SNTG2: variants seen among roughly 807,000 people sequenced by gnomAD.
SNTG2 encodes the protein syntrophin gamma 2, also known as gamma-2-syntrophin.
Under a neutral mutation model 70.9 loss-of-function variants are expected in SNTG2, and 74 were observed. The ratio of observed to expected loss-of-function variants is 1.04; its 90% CI spans 0.86 to 1.27. The LOEUF (loss-of-function observed/expected upper bound fraction) is 1.27, where lower values mean the gene tolerates loss of function less well. Among genes scored for constraint, SNTG2 ranks in the 50% most tolerant of loss-of-function variants. SNTG2 has a pLI of 0.00. For synonymous variants in SNTG2, 278 were observed against 273.8 expected, an observed-to-expected ratio of 1.02 and a Z score of -0.15; for missense variants, 717 against 690.7, an observed-to-expected ratio of 1.04 and a Z score of -0.43.
chr2:1,073,037 T>C (rs1663681730), intron 1 of SNTG2, among the ~76,000 whole-genome samples: 2 of 152,238 alleles, frequency 1.3e-5, no homozygotes, highest in Admixed American at 1.3e-4. Context: ...TTGCTTCCCG[T>C]GGATGAGCAA....
chr2:1,089,105 A>G (rs1398322323), intron 2 of SNTG2, among the ~76,000 whole-genome samples: 1 of 152,214 alleles, frequency 6.6e-6, no homozygotes, highest in Non-Finnish European at 1.5e-5. Flanking sequence ...GTCTTGCTGA[A>G]AAGGCTTCTG....
intron 1 of SNTG2, among the ~76,000 whole-genome samples, chr2:984,761 G>A (rs1316065037): frequency 3.3e-5 from 5 of 152,226 alleles, no homozygotes; most frequent in Admixed American, 2.6e-4. Context: ...CGGGGAAGAC[G>A]AGGGTAACAG....
chr2:1,256,735 C>G (rs1678142555), intron 12 of SNTG2: 1 of 152,056 alleles, frequency 6.6e-6, no homozygotes, highest in Non-Finnish European at 1.5e-5. Context: ...CTGTGAAAGG[C>G]TGGAGCCAGG....
chr2:1,275,981 C>T (rs1037207051), intron 14 of SNTG2, among the ~76,000 whole-genome samples: 10 of 152,322 alleles, frequency 6.6e-5, no homozygotes, highest in African/African-American at 2.2e-4. Flanking sequence ...TCCTTTAAGC[C>T]AAAGCCTAAT....
chr2:1,005,117 C>A (rs576366175), intron 1 of SNTG2, among the ~76,000 whole-genome samples: 2 of 152,246 alleles, frequency 1.3e-5, no homozygotes, highest in African/African-American at 4.8e-5. Flanking sequence ...AACTGTATGA[C>A]CTGTTGGAAA....
chr2:1,228,792 C>T (rs916887598), intron 9 of SNTG2, among the ~76,000 whole-genome samples: 11 of 152,336 alleles, frequency 7.2e-5, no homozygotes, highest in Admixed American at 1.3e-4. Context: ...AACGAAGCCG[C>T]GGACCCTCGC....
At chr2:1,034,133 C>G (rs1451809022) in intron 1 of SNTG2, among the ~76,000 whole-genome samples, 1 of 151,994 alleles carries the variant, frequency 6.6e-6, no homozygotes, top group African/African-American at 2.4e-5. Flanking sequence ...TCTCCCTCCT[C>G]TTACCCTCCA....
At chr2:1,166,701 T>A (rs1670731204) in intron 7 of SNTG2, among the ~76,000 whole-genome samples, 1 of 152,136 alleles carries the variant, frequency 6.6e-6, no homozygotes, top group East Asian at 1.9e-4. Flanking sequence ...GCACTCCTGT[T>A]CTTGCACCCA....
intron 8 of SNTG2, among the ~76,000 whole-genome samples, chr2:1,206,604 G>A (rs576495298): frequency 2.4e-4 from 37 of 152,238 alleles, no homozygotes; most frequent in African/African-American, 8.4e-4. Flanking sequence ...CTTTTCCAGA[G>A]GAAAGTACAT....
At chr2:1,082,070 C>A (rs1343757719) in intron 1 of SNTG2, among the ~76,000 whole-genome samples, 1 of 152,088 alleles carries the variant, frequency 6.6e-6, no homozygotes, top group African/African-American at 2.4e-5. Flanking sequence ...TGGGGATCAG[C>A]TGAGGATGTT....
chr2:1,154,246 G>A (rs1045989002), intron 6 of SNTG2, among the ~76,000 whole-genome samples: 2 of 152,060 alleles, frequency 1.3e-5, no homozygotes, highest in Admixed American at 6.5e-5. Flanking sequence ...CAGAGGCACT[G>A]GCTGCAGCTG....
intron 8 of SNTG2, among the ~76,000 whole-genome samples, chr2:1,194,744 A>T (rs887380828): frequency 6.6e-6 from 1 of 152,102 alleles, no homozygotes; most frequent in Admixed American, 6.6e-5. Flanking sequence ...TTTATTTATT[A>T]TACTTTAAGT....
Position 987,863 on chromosome 2 carries a change from G to A in SNTG2, c.72+36795G>A, listed in dbSNP as rs186785828. Among the ~76,000 whole-genome samples, 677 of 152,234 alleles carry A rather than the reference G, an allele frequency of 4.4e-3. 6 individuals are homozygous for A. Among genetic ancestry groups the A allele is most frequent in the African/African-American group, 0.014 (597 of 41,544 alleles). On this transcript the variant is annotated intron_variant, in intron 1 of 16. Coordinates refer to ENST00000308624, the MANE Select transcript of SNTG2 (RefSeq NM_018968.4). Reference sequence around the variant, plus strand: ...GTTCTGGAGATGTGGAAGGAAGGCCGCGCAGCCTTGCCCATCACCAGCGCT... The same window carrying A: ...GTTCTGGAGATGTGGAAGGAAGGCCACGCAGCCTTGCCCATCACCAGCGCT...
At chr2:1,208,965 A>G in intron 8 of SNTG2, 138 bp from the exon 9 acceptor site, 1 of 1,039,554 alleles carries the variant, frequency 9.6e-7, no homozygotes, top group Middle Eastern at 3.2e-4. Context: ...CAGATCTTTC[A>G]GAAACAACCT....
intron 14 of SNTG2, among the ~76,000 whole-genome samples, chr2:1,274,291 A>G (rs1679181202): frequency 6.6e-6 from 1 of 152,264 alleles, no homozygotes; most frequent in African/African-American, 2.4e-5. Flanking sequence ...AAAAATGCTC[A>G]TAACAGCTTC....
chr2:1,030,267 CGT>C (rs1471299296), intron 1 of SNTG2, among the ~76,000 whole-genome samples: 5 of 152,114 alleles, frequency 3.3e-5, no homozygotes, highest in African/African-American at 1.2e-4. Flanking sequence ...TGGTGCAGTG[CGT>C]GTGTTAGAGA....
chr2:965,280 CT>C (rs1444509679), intron 1 of SNTG2, among the ~76,000 whole-genome samples: 40 of 143,060 alleles, frequency 2.8e-4, no homozygotes, highest in African/African-American at 1.0e-3. Context: ...AGTCCTCCTC[CT>C]TGGACCCCAA....
chr2:1,282,231 T>C (rs1326397049), intron 14 of SNTG2, among the ~76,000 whole-genome samples: 1 of 152,138 alleles, frequency 6.6e-6, no homozygotes, highest in East Asian at 1.9e-4. Flanking sequence ...GAATTGCACT[T>C]GTAGGGGAGT....
chr2:1,154,869 CCACA>C (rs1304013033), intron 6 of SNTG2, among the ~76,000 whole-genome samples: 1 of 150,792 alleles, frequency 6.6e-6, no homozygotes, highest in Non-Finnish European at 1.5e-5. Flanking sequence ...CATGCACACA[CCACA>C]CAAACACACC....
Sources: allele counts gnomAD v4.1 joint callset (sites outside exome capture counted in the v4.1 genomes callset), GRCh38; gene constraint gnomAD v4.1.1; transcripts MANE v1.5; gene names NCBI Gene and HGNC (gene_info 2026-07-23, HGNC 2026-07-21).